Variants in PMFBP1 observed in about 807,000 individuals in gnomAD.
PMFBP1 encodes the protein polyamine modulated factor 1 binding protein 1, also known as polyamine-modulated factor 1-binding protein 1.
In PMFBP1, 131 loss-of-function variants were observed where a neutral mutation model predicts 137.8. The observed-to-expected ratio is 0.95, with a 90% confidence interval of 0.82 to 1.10. The LOEUF (loss-of-function observed/expected upper bound fraction) is 1.10, where lower values mean the gene tolerates loss of function less well. Among genes scored for constraint, PMFBP1 ranks in the 50% least tolerant of loss-of-function variants. The pLI, the probability that PMFBP1 is intolerant of heterozygous loss-of-function variation, is 0.00. For synonymous variants in PMFBP1, 490 were observed against 450.4 expected (o/e 1.09, Z -1.11); for missense variants, 1,199 against 1,175.4 (o/e 1.02, Z -0.29).
the PMFBP1 span, among the ~76,000 whole-genome samples, chr16:72,198,080 C>G: frequency 6.6e-6 from 1 of 152,056 alleles, no homozygotes; most frequent in Admixed American, 6.5e-5. Flanking sequence ...TTTCTTTTTG[C>G]CTTTTTCATA....
intron 2 of PMFBP1, among the ~76,000 whole-genome samples, chr16:72,165,124 A>G (rs1243190982): frequency 6.6e-6 from 1 of 152,186 alleles, no homozygotes; most frequent in Non-Finnish European, 1.5e-5. Flanking sequence ...TTACTGATTT[A>G]TATTAATTAA....
chr16:72,224,914 C>T, the PMFBP1 span: 2 of 152,160 alleles, frequency 1.3e-5, no homozygotes, highest in African/African-American at 4.8e-5. Flanking sequence ...GTACTTTGCA[C>T]ATATTAAGGG....
At chr16:72,205,784 A>G in the PMFBP1 span, among the ~76,000 whole-genome samples, 1 of 151,954 alleles carries the variant, frequency 6.6e-6, no homozygotes, top group Non-Finnish European at 1.5e-5. Context: ...TCTGCTGCAC[A>G]CTCATATTTT....
upstream of PMFBP1, among the ~76,000 whole-genome samples, chr16:72,177,791 C>T (rs1039884781): frequency 6.6e-6 from 1 of 152,158 alleles, no homozygotes; most frequent in Admixed American, 6.5e-5. Flanking sequence ...CTCCACTAAT[C>T]TATGATAATT....
At chr16:72,185,640 T>TTG in the PMFBP1 span, among the ~76,000 whole-genome samples, 3 of 152,270 alleles carry the variant, frequency 2.0e-5, no homozygotes, top group Admixed American at 6.5e-5. Flanking sequence ...GTGGGCATAC[T>TTG]TGTGTGTATC....
At chr16:72,245,901 C>T in the PMFBP1 span, among the ~76,000 whole-genome samples, 513 of 152,290 alleles carry the variant, frequency 3.4e-3, 9 homozygotes, top group African/African-American at 0.012. Context: ...GCTCCAGCAC[C>T]AGTGCTTGAC....
Position 72,171,238 on chromosome 16 carries a change from C to T in PMFBP1, c.-30G>A, listed in dbSNP as rs772340072. 9.9e-6 allele frequency: 16 copies of T among 1,613,056 alleles called. 1 individual carries two copies. The South Asian group carries it at 1.6e-4, about 17-fold the overall frequency. On this transcript the variant is annotated 5_prime_UTR_variant, in exon 2 of 21. Transcript: ENST00000237353. ...TTGGCAGCTCTCAATTCTCCTTTAA[C>T]CTTTAGTATTTTCTGAGCTTTGTTA...
chr16:72,203,057 G>A, the PMFBP1 span, among the ~76,000 whole-genome samples: 18,484 of 152,192 alleles, frequency 0.12, 1,630 homozygotes, highest in East Asian at 0.28. Flanking sequence ...GCTGGCTAGG[G>A]TGTTGTAAAA....
the PMFBP1 span, among the ~76,000 whole-genome samples, chr16:72,240,645 C>T: frequency 6.6e-6 from 1 of 152,132 alleles, no homozygotes; most frequent in Admixed American, 6.6e-5. Flanking sequence ...GCTGTAGAGG[C>T]TTAATTCTTT....
the PMFBP1 span, among the ~76,000 whole-genome samples, chr16:72,185,154 G>T: frequency 1.3e-5 from 2 of 152,016 alleles, no homozygotes; most frequent in African/African-American, 2.4e-5. Flanking sequence ...CTCCTGAGTA[G>T]CTGGGATTAT....
At chr16:72,120,459 G>A (rs918575729) in intron 19 of PMFBP1, among the ~76,000 whole-genome samples, 6 of 152,206 alleles carry the variant, frequency 3.9e-5, no homozygotes, top group African/African-American at 1.2e-4. Context: ...AGGGACAACT[G>A]TGATCATGTG....
At chr16:72,240,351 G>C in the PMFBP1 span, among the ~76,000 whole-genome samples, 2 of 152,176 alleles carry the variant, frequency 1.3e-5, no homozygotes, top group African/African-American at 4.8e-5. Flanking sequence ...AAAATATATA[G>C]ACAGAAATAA....
intron 3 of PMFBP1, among the ~76,000 whole-genome samples, chr16:72,161,566 A>G (rs1018305442): frequency 1.3e-5 from 2 of 152,086 alleles, no homozygotes; most frequent in Non-Finnish European, 2.9e-5. Context: ...TCACTTTAAA[A>G]AAAGTATTTT....
the PMFBP1 span, among the ~76,000 whole-genome samples, chr16:72,227,235 C>T: frequency 1.3e-5 from 2 of 152,132 alleles, no homozygotes; most frequent in African/African-American, 4.8e-5. Context: ...TGCTGATTCC[C>T]CTTACATTTT....
At chr16:72,139,490 A>C (rs2042683733) in intron 6 of PMFBP1, 91 bp from the exon 7 acceptor site, 1 of 1,039,390 alleles carries the variant, frequency 9.6e-7, no homozygotes, top group Non-Finnish European at 1.5e-6. Context: ...TTTCTGCAGC[A>C]TAAGTTTGTT....
At chr16:72,121,146 A>G (rs2042371682) in intron 19 of PMFBP1, among the ~76,000 whole-genome samples, 1 of 152,224 alleles carries the variant, frequency 6.6e-6, no homozygotes, top group Non-Finnish European at 1.5e-5. Flanking sequence ...ACACCCTAGT[A>G]AAAAGTTTCG....
chr16:72,141,768 T>C (rs574942970), intron 5 of PMFBP1, among the ~76,000 whole-genome samples: 2 of 152,298 alleles, frequency 1.3e-5, no homozygotes, highest in East Asian at 3.9e-4. Context: ...GTATTTATTC[T>C]GGTAATTGTG....
the PMFBP1 span, among the ~76,000 whole-genome samples, chr16:72,201,782 T>A: frequency 1.3e-5 from 2 of 152,222 alleles, no homozygotes; most frequent in South Asian, 4.1e-4. Flanking sequence ...TTACCTTGAT[T>A]TATTAAAAAA....
the PMFBP1 span, among the ~76,000 whole-genome samples, chr16:72,217,730 G>A: frequency 2.6e-5 from 4 of 152,236 alleles, no homozygotes; most frequent in Non-Finnish European, 5.9e-5. Context: ...GTGGGCACCT[G>A]TAATCCCAGC....
Sources: allele counts gnomAD v4.1 joint callset (sites outside exome capture counted in the v4.1 genomes callset), GRCh38; gene constraint gnomAD v4.1.1; transcripts MANE v1.5; gene names NCBI Gene and HGNC (gene_info 2026-07-23, HGNC 2026-07-21).